Variants in SLC5A10 observed in about 807,000 individuals in gnomAD.
SLC5A10 encodes the protein solute carrier family 5 member 10.
In SLC5A10, 55 loss-of-function variants were observed where a neutral mutation model predicts 68.9. That is an observed-to-expected ratio of 0.80 (90% CI 0.64 to 1.00). The LOEUF (loss-of-function observed/expected upper bound fraction) is 1.00, where lower values mean the gene tolerates loss of function less well. Among genes scored for constraint, SLC5A10 ranks in the 50% least tolerant of loss-of-function variants. SLC5A10 has a pLI of 0.00. For missense variants in SLC5A10, 732 were observed against 819.3 expected, an observed-to-expected ratio of 0.89 and a Z score of 1.30; for synonymous variants, 344 against 344.8, an observed-to-expected ratio of 1.00 and a Z score of 0.02.
Position 18,972,845 on chromosome 17 carries a change from G to A in SLC5A10, c.846+1627G>A, listed in dbSNP as rs35121271. On this transcript the variant is annotated intron_variant, in intron 8 of 14. Coordinates refer to ENST00000395645, the MANE Select transcript of SLC5A10 (RefSeq NM_001042450.4). ...GATTGTGCCACTGCACTCCAGCCTG[G>A]GGGACAGAGCGAGACTCCGTCTAAA... Among the ~76,000 whole-genome samples the A allele has an allele frequency of 5.6e-3, 844 of 151,168 alleles. 5 individuals carry two copies. The highest frequency in any genetic ancestry group is 9.0e-3 in the Non-Finnish European group (613 of 67,750).
At chr17:18,989,769 A>G (rs557009988) in intron 9 of SLC5A10, among the ~76,000 whole-genome samples, 27 of 152,322 alleles carry the variant, frequency 1.8e-4, no homozygotes, top group African/African-American at 6.3e-4. Context: ...CACAGGCACC[A>G]TGGTGGTGAC....
chr17:18,960,065 C>T (rs910886271), intron 4 of SLC5A10, among the ~76,000 whole-genome samples: 4 of 152,172 alleles, frequency 2.6e-5, no homozygotes, highest in Non-Finnish European at 5.9e-5. Flanking sequence ...ACACCTGGGC[C>T]GCACAATTGG....
intron 2 of SLC5A10, 122 bp downstream of exon 2, chr17:18,958,875 G>A (rs1434768522): frequency 1.7e-6 from 2 of 1,175,722 alleles, no homozygotes; most frequent in Non-Finnish European, 1.2e-6. Flanking sequence ...CCGGAGGCTG[G>A]CAGGAGGTCC....
At chr17:18,961,814 G>T (rs548457100) in intron 5 of SLC5A10, among the ~76,000 whole-genome samples, 2 of 152,256 alleles carry the variant, frequency 1.3e-5, no homozygotes, top group East Asian at 3.9e-4. Context: ...CATCCCCTCG[G>T]CAGCCTCAGC....
In SLC5A10 at chr17:19,020,807, C is replaced by T. The variant is rs11867753; in HGVS notation, c.*376C>T. The T allele has an allele frequency of 0.047, 10,884 of 229,840 alleles. 1,208 individuals carry two copies. The highest frequency in any genetic ancestry group is 0.23 in the African/African-American group (10,164 of 44,600). 14.2% of individuals were successfully genotyped at this position (229,840 alleles called of 1,614,324 possible). ...AGCTCTGGATGGAGGAAGAGCCCCA[C>T]ATGCCCAGAGCAAGGCCCCCCATTA... On this transcript the variant is annotated 3_prime_UTR_variant, in exon 15 of 15. Transcript: ENST00000395645.
Position 18,968,950 on chromosome 17 carries a change from G to C in SLC5A10, c.454-102G>C. 3 of 1,127,646 alleles carry C rather than the reference G, an allele frequency of 2.7e-6. No homozygotes were observed. Among genetic ancestry groups the C allele is most frequent in the Non-Finnish European group, 3.7e-6 (3 of 802,810 alleles). 69.9% of individuals were successfully genotyped at this position (1,127,646 alleles called of 1,614,324 possible). ...TGGGGGTCTCCCCTCCTTATCCACA[G>C]GCCACCGAGGCCCAGAGAGGGCCTT... On this transcript the variant is annotated intron_variant, in intron 5 of 14. Coordinates refer to ENST00000395645, the MANE Select transcript of SLC5A10 (RefSeq NM_001042450.4). The surrounding 1 kb of genome is among the most constrained non-coding windows in gnomAD (Gnocchi z 4.1).
intron 7 of SLC5A10, 112 bp downstream of exon 7, chr17:18,969,534 C>T (rs999551432): frequency 9.2e-5 from 95 of 1,029,070 alleles, no homozygotes; most frequent in Middle Eastern, 2.9e-4. Context: ...TGGGTAGCAT[C>T]GCTGGGAGTG....
chr17:18,954,724 T>G (rs1296919022), intron 1 of SLC5A10, among the ~76,000 whole-genome samples: 1 of 152,176 alleles, frequency 6.6e-6, no homozygotes, highest in Non-Finnish European at 1.5e-5. Flanking sequence ...TTTGCATTCA[T>G]TAAAGTATCT....
chr17:18,952,894 A>T (rs1349256118), intron 1 of SLC5A10, among the ~76,000 whole-genome samples: 3 of 152,008 alleles, frequency 2.0e-5, no homozygotes, highest in Non-Finnish European at 2.9e-5. Context: ...GCCCCTGGGG[A>T]CAGGCTGTTT....
Position 19,021,477 on chromosome 17 carries a change from C to G in SLC5A10, c.*1046C>G, listed in dbSNP as rs1452937994. On this transcript the variant is annotated 3_prime_UTR_variant, in exon 15 of 15. Coordinates refer to ENST00000395645, the MANE Select transcript of SLC5A10 (RefSeq NM_001042450.4). The surrounding 1 kb of genome is among the most constrained non-coding windows in gnomAD (Gnocchi z 4.1). ...TTAGGTCAACAGGTGTGCAGTCTGT[C>G]CTTCGAGGCTGAGCCACCTCCCAAC... The G allele has an allele frequency of 4.6e-6, 1 of 217,618 alleles. No individual in the cohort carries two copies. 13.5% of individuals were successfully genotyped at this position (217,618 alleles called of 1,614,324 possible).
chr17:18,978,790 C>T, intron 9 of SLC5A10: 1 of 1,613,006 alleles, frequency 6.2e-7, no homozygotes, highest in Non-Finnish European at 8.5e-7. Flanking sequence ...ACATCTCCAC[C>T]ACCTGGCCAG....
Position 18,969,411 on chromosome 17 carries a change from T to G in SLC5A10, c.629T>G (p.Leu210Arg), listed in dbSNP as rs1242266517. The change falls in exon 7 of 15, where the codon CTG (leucine) becomes CGG (arginine). Residue 210 changes from leucine (L) to arginine (R), a missense_variant. By Grantham distance (102) the Leu-to-Arg change is moderately radical. Transcript: ENST00000395645. ...TLIMVVGAVI[L>R]TIKAFDQIGG... Reference sequence around the variant, plus strand: ...ATCATGGTGGTGGGGGCTGTCATCCTGACAATCAAAGGTGAGGACAGAGTC... The same window carrying G: ...ATCATGGTGGTGGGGGCTGTCATCCGGACAATCAAAGGTGAGGACAGAGTC... The G allele has an allele frequency of 6.2e-7, 1 of 1,613,626 alleles. No individual in the cohort carries two copies. The highest frequency in any genetic ancestry group is 1.7e-5 in the Admixed American group (1 of 60,008).
intron 1 of SLC5A10, chr17:18,953,708 C>G (rs1283439650): frequency 6.6e-6 from 1 of 152,570 alleles, no homozygotes; most frequent in African/African-American, 2.4e-5. Flanking sequence ...AATTAATTAT[C>G]ACAGGTTGGA....
chr17:18,985,538 C>G (rs916100096), intron 9 of SLC5A10, among the ~76,000 whole-genome samples: 1 of 152,050 alleles, frequency 6.6e-6, no homozygotes, highest in Non-Finnish European at 1.5e-5. Flanking sequence ...AGGAAGTGCT[C>G]CCGGGACAGG....
At chr17:18,967,215 A>G (rs4924950) in intron 5 of SLC5A10, among the ~76,000 whole-genome samples, 8,810 of 152,244 alleles carry the variant, frequency 0.058, 338 homozygotes, top group Non-Finnish European at 0.087. Flanking sequence ...GCAAACGTTC[A>G]CTGGATGCCA....
In SLC5A10 at chr17:19,019,722, T is replaced by G; in HGVS notation, c.1420T>G (p.Trp474Gly). 1 of 1,610,582 alleles carries G rather than the reference T, an allele frequency of 6.2e-7. No individual in the cohort carries two copies. Among genetic ancestry groups the G allele is most frequent in the Non-Finnish European group, 8.5e-7 (1 of 1,179,570 alleles). Residue 474 changes from tryptophan to glycine, a missense_variant, in exon 13 of 15, where the codon TGG (tryptophan) becomes GGG (glycine). Coordinates refer to ENST00000395645, the MANE Select transcript of SLC5A10 (RefSeq NM_001042450.4). The stretch of plus-strand genomic sequence containing the variant: ...CCTCCCTCCTCCCCAGGGGGCCTTC[T>G]GGGGCCTGATAGCAGGGCTGGTGGT... ...WRRANEQGAF[W>G]GLIAGLVVGA...
chr17:18,984,571 C>T (rs909035142), intron 9 of SLC5A10, among the ~76,000 whole-genome samples: 10 of 152,348 alleles, frequency 6.6e-5, no homozygotes, highest in South Asian at 4.1e-4. Flanking sequence ...TCATCAGAAA[C>T]GGGAAACGGG....
chr17:18,952,507 G>T (rs2042389209), intron 1 of SLC5A10, 191 bp downstream of exon 1: 3 of 608,268 alleles, frequency 4.9e-6, no homozygotes, highest in African/African-American at 1.9e-5. Flanking sequence ...TCTCTCTTTG[G>T]GTAATGGCGT....
In SLC5A10 at chr17:18,952,193, C is replaced by A; in HGVS notation, c.-13C>A. On this transcript the variant is annotated 5_prime_UTR_variant, in exon 1 of 15. Coordinates refer to ENST00000395645, the MANE Select transcript of SLC5A10 (RefSeq NM_001042450.4). ...CCCTCGGGCTCATACCTAGTGCCTG[C>A]GGCAGGACAGCCATGGCCGCCAACT... 2 of 1,609,624 alleles carry A rather than the reference C, an allele frequency of 1.2e-6. No homozygotes were observed. The highest frequency in any genetic ancestry group is 4.5e-5 in the East Asian group (2 of 44,598).
Sources: allele counts gnomAD v4.1 joint callset (sites outside exome capture counted in the v4.1 genomes callset), GRCh38; gene constraint gnomAD v4.1.1; non-coding constraint Gnocchi (gnomAD v3.1); transcripts MANE v1.5; gene names NCBI Gene and HGNC (gene_info 2026-07-23, HGNC 2026-07-21).